JPH3: variants seen among roughly 807,000 people sequenced by gnomAD.
The protein encoded by JPH3 is junctophilin-3.
JPH3 carries 11 observed loss-of-function variants against 59.6 expected under a neutral mutation model. The ratio of observed to expected loss-of-function variants is 0.18; its 90% CI spans 0.12 to 0.31. The LOEUF is 0.31. Ranked by LOEUF, JPH3 falls within the 10% of genes least tolerant of loss-of-function variation. JPH3 has a pLI of 1.00. For synonymous variants in JPH3, 673 were observed against 483.6 expected (o/e 1.39, Z -5.14); for missense variants, 1,202 against 1,105.7 (o/e 1.09, Z -1.24).
Position 87,614,538 on chromosome 16 carries a change from G to A in JPH3, c.382+11010G>A, listed in dbSNP as rs115373393. Among the ~76,000 whole-genome samples, 868 of 148,850 alleles carry A rather than the reference G, an allele frequency of 5.8e-3. 22 individuals carry two copies. Among genetic ancestry groups the A allele is most frequent in the African/African-American group, 0.021 (836 of 39,322 alleles). On this transcript the variant is annotated intron_variant, in intron 1 of 4. Transcript: ENST00000284262. ...CAGGTCCATGCACACAGGAGGAGCT[G>A]CGTGTCCTTTCCCAGGATAAAGGCA...
At chr16:87,672,752 A>G (rs1032260306) in intron 2 of JPH3, among the ~76,000 whole-genome samples, 22 of 152,338 alleles carry the variant, frequency 1.4e-4, no homozygotes, top group African/African-American at 5.3e-4. Context: ...GTGGTGCGGA[A>G]TGGGTGGTTG....
chr16:87,650,481 C>G (rs920461987), intron 2 of JPH3, among the ~76,000 whole-genome samples: 4 of 152,198 alleles, frequency 2.6e-5, no homozygotes, highest in Non-Finnish European at 5.9e-5. Flanking sequence ...AAAGAAGAGT[C>G]TCACATCTCT....
chr16:87,661,004 A>G (rs2032684494), intron 2 of JPH3, among the ~76,000 whole-genome samples: 1 of 152,248 alleles, frequency 6.6e-6, no homozygotes. Context: ...GTTGTAGAAT[A>G]TTTGTATGCA....
At chr16:87,670,602 G>C (rs1469209006) in intron 2 of JPH3, among the ~76,000 whole-genome samples, 1 of 152,230 alleles carries the variant, frequency 6.6e-6, no homozygotes, top group Admixed American at 6.5e-5. Flanking sequence ...GCACTCTTCA[G>C]GCAAATCTCT....
intron 1 of JPH3, among the ~76,000 whole-genome samples, chr16:87,635,857 G>A (rs925522036): frequency 6.6e-6 from 1 of 152,218 alleles, no homozygotes; most frequent in African/African-American, 2.4e-5. Context: ...GCTCCTGTGT[G>A]CGGAGGCAGC....
At chr16:87,636,296 C>T (rs187747389) in intron 1 of JPH3, among the ~76,000 whole-genome samples, 4 of 152,330 alleles carry the variant, frequency 2.6e-5, no homozygotes, top group East Asian at 3.9e-4. Flanking sequence ...CCCTCAGCCG[C>T]GGTTGGCCGC....
rs372059283 is a variant in JPH3 at position 87,644,195 on chromosome 16, G to A, written c.383-63G>A. On this transcript the variant is annotated intron_variant, in intron 1 of 4. Transcript: ENST00000284262. ...GACTGTGGCTGCTTCAACCCTGTCC[G>A]TGGCCAGGCTGTGCCCCCTCCTCTG... 61 of 1,508,754 alleles carry A rather than the reference G, an allele frequency of 4.0e-5. 1 individual carries two copies. The highest frequency in any genetic ancestry group is 2.3e-4 in the East Asian group (10 of 44,136). 93.5% of individuals were successfully genotyped at this position (1,508,754 alleles called of 1,614,324 possible). A position where few individuals can be genotyped will look rare whatever the true frequency, so the allele number is the denominator to read the frequency against.
chr16:87,671,065 C>T (rs2033002086), intron 2 of JPH3, among the ~76,000 whole-genome samples: 1 of 152,212 alleles, frequency 6.6e-6, no homozygotes. Flanking sequence ...CAGCAGGGCC[C>T]TGCACCCGGA....
chr16:87,693,330 G>A (rs1263043082), intron 4 of JPH3, among the ~76,000 whole-genome samples: 2 of 152,226 alleles, frequency 1.3e-5, no homozygotes, highest in East Asian at 3.8e-4. Context: ...AGTTTACAAA[G>A]CCCTTTGCTG....
intron 1 of JPH3, among the ~76,000 whole-genome samples, chr16:87,607,082 C>A (rs1019122769): frequency 6.6e-6 from 1 of 152,164 alleles, no homozygotes; most frequent in Non-Finnish European, 1.5e-5. Context: ...ACCTCCTGTT[C>A]TTTCCTCTCG....
At chr16:87,620,899 G>A (rs775684397) in intron 1 of JPH3, among the ~76,000 whole-genome samples, 18 of 152,160 alleles carry the variant, frequency 1.2e-4, no homozygotes, top group Non-Finnish European at 2.2e-4. Flanking sequence ...GGTGGCTCGC[G>A]CCTATAATCC....
intron 1 of JPH3, among the ~76,000 whole-genome samples, chr16:87,610,986 T>C (rs1040260156): frequency 5.3e-5 from 8 of 152,204 alleles, no homozygotes; most frequent in Non-Finnish European, 8.8e-5. Flanking sequence ...ATTTGCCAAG[T>C]TCAGACCGTG....
At chr16:87,647,026 A>G (rs540189399) in intron 2 of JPH3, among the ~76,000 whole-genome samples, 3 of 152,216 alleles carry the variant, frequency 2.0e-5, no homozygotes, top group Admixed American at 6.5e-5. Flanking sequence ...GCTCCAAGGC[A>G]GGTTGTCAGC....
chr16:87,644,787 G>T lies in JPH3; in HGVS notation c.912G>T (p.Gln304His). The change falls in exon 2 of 5, where the codon CAG (glutamine) becomes CAT (histidine). Residue 304 changes from glutamine (Q) to histidine (H), a missense_variant. Coordinates refer to ENST00000284262, the MANE Select transcript of JPH3 (RefSeq NM_020655.4). ...AACGCTCCGGCTTCGGCGTGAGCCA[G>T]CGCTCGGACGGGCTCAAGTACGAGG... is the stretch of plus-strand genomic sequence containing the variant. The part of the protein sequence containing the change: ...NDKRSGFGVS[Q>H]RSDGLKYEGE... 1 of 1,613,274 alleles carries T rather than the reference G, an allele frequency of 6.2e-7. No individual in the cohort carries two copies. Among genetic ancestry groups the T allele is most frequent in the Non-Finnish European group, 8.5e-7 (1 of 1,179,890 alleles).
At chr16:87,616,182 A>T (rs929095782) in intron 1 of JPH3, among the ~76,000 whole-genome samples, 1 of 138,066 alleles carries the variant, frequency 7.2e-6, no homozygotes, top group Non-Finnish European at 1.5e-5. Flanking sequence ...CAGCAACGCA[A>T]TCTGGTTTTG....
rs2033510456 is a variant in JPH3, at chr16:87,689,708, G to A, written c.1348G>A (p.Gly450Arg). 2 of 1,612,428 alleles carry A rather than the reference G, an allele frequency of 1.2e-6. No homozygotes were observed. Among genetic ancestry groups the A allele is most frequent in the Non-Finnish European group, 1.7e-6 (2 of 1,179,792 alleles). Residue 450 changes from glycine to arginine, a missense_variant, in exon 4 of 5, where the codon GGG becomes AGG. Gly to Arg is a moderately radical substitution (Grantham distance 125). Transcript: ENST00000284262. Reference protein sequence around the residue: ...SCDDIEVLSTGTPLQQESPEL... With the variant: ...SCDDIEVLSTRTPLQQESPEL... ...TGACGACATCGAGGTGCTGTCCACC[G>A]GGACACCCCTGCAGCAGGAGAGCCC...
chr16:87,627,454 C>G (rs990449181), intron 1 of JPH3, among the ~76,000 whole-genome samples: 6 of 152,180 alleles, frequency 3.9e-5, no homozygotes, highest in African/African-American at 1.4e-4. Flanking sequence ...AGTAGACACA[C>G]AGGGTGGGCC....
intron 1 of JPH3, among the ~76,000 whole-genome samples, chr16:87,621,236 C>T (rs936950432): frequency 2.6e-5 from 4 of 152,240 alleles, no homozygotes; most frequent in Non-Finnish European, 4.4e-5. Context: ...CAGCTGGACC[C>T]GACTTGGCCC....
intron 2 of JPH3, among the ~76,000 whole-genome samples, chr16:87,649,665 A>C (rs549189690): frequency 6.6e-6 from 1 of 152,170 alleles, no homozygotes; most frequent in Non-Finnish European, 1.5e-5. Context: ...AAACCAAATA[A>C]AAGCAGAAAG....
Sources: gnomAD v4.1 joint callset for allele counts (sites outside exome capture counted in the v4.1 genomes callset) on GRCh38, gnomAD v4.1.1 for gene constraint, MANE v1.5 for transcripts, NCBI Gene and HGNC (gene_info 2026-07-23, HGNC 2026-07-21) for gene names.